GLRA1: variants seen among roughly 807,000 people sequenced by gnomAD.
GLRA1 encodes the protein glycine receptor subunit alpha-1.
GLRA1 carries 37 observed loss-of-function variants against 48.3 expected under a neutral mutation model. The observed-to-expected ratio is 0.77, with a 90% CI of 0.59 to 1.01. The LOEUF is 1.01. GLRA1 is among the 50% of genes least tolerant of loss of function. The probability of loss-of-function intolerance (pLI) is 0.00; values close to 1 mark genes in which losing one functional copy is unlikely to be tolerated. For missense variants in GLRA1, 427 were observed against 571.0 expected (o/e 0.75, Z 2.57); for synonymous variants, 196 against 210.7 (o/e 0.93, Z 0.60).
At chr5:151,900,993 C>T (rs1270722293) in intron 1 of GLRA1, among the ~76,000 whole-genome samples, 1 of 152,132 alleles carries the variant, frequency 6.6e-6, no homozygotes, top group Non-Finnish European at 1.5e-5. Context: ...TATTTGGCAT[C>T]AGTGATATGA....
At chr5:151,920,820 G>A (rs1754856848) in intron 1 of GLRA1, among the ~76,000 whole-genome samples, 1 of 152,132 alleles carries the variant, frequency 6.6e-6, no homozygotes, top group African/African-American at 2.4e-5. Flanking sequence ...ATTCAAGGTG[G>A]AGTACAGCTC....
intron 1 of GLRA1, among the ~76,000 whole-genome samples, chr5:151,915,601 G>T (rs1437359564): frequency 6.6e-6 from 1 of 151,912 alleles, no homozygotes; most frequent in East Asian, 1.9e-4. Context: ...GGCTTCCCAA[G>T]ACATGTTAAT....
chr5:151,883,933 G>A (rs1427193285), intron 3 of GLRA1, among the ~76,000 whole-genome samples: 2 of 152,144 alleles, frequency 1.3e-5, no homozygotes, highest in African/African-American at 2.4e-5. Flanking sequence ...GATGTGGGGT[G>A]GGAAATGGGG....
At chr5:151,903,244 G>A (rs1279045719) in intron 1 of GLRA1, among the ~76,000 whole-genome samples, 1 of 152,216 alleles carries the variant, frequency 6.6e-6, no homozygotes, top group African/African-American at 2.4e-5. Context: ...ACAATCCTCA[G>A]TAGGCACTGA....
rs759936512 is a variant in GLRA1, at chr5:151,822,778, G to A, written c.1245C>T (p.Ile415=). 1.4e-5 allele frequency: 23 copies of A among 1,613,852 alleles called. No homozygotes were observed. Among genetic ancestry groups the A allele is most frequent in the Middle Eastern group, 1.7e-4 (1 of 6,058 alleles). The change falls in exon 9 of 9, where the codon ATC becomes ATT. Residue 415 remains isoleucine (I), a synonymous_variant. Transcript: ENST00000274576. ...RKLFIQRAKK[I]DKISRIGFPM... ...GGAAGCCAATGCGGGATATTTTGTC[G>A]ATCTTCTTGGCCCTCTGGATGAAGA...
chr5:151,882,858 A>G (rs943110410), intron 3 of GLRA1, among the ~76,000 whole-genome samples: 2 of 152,134 alleles, frequency 1.3e-5, no homozygotes, highest in Non-Finnish European at 2.9e-5. Flanking sequence ...ATTTAACATC[A>G]TTGACAGGTT....
chr5:151,849,500 T>TCCTTCCTTCCTTC (rs1752839949), intron 7 of GLRA1, among the ~76,000 whole-genome samples: 1 of 43,170 alleles, frequency 2.3e-5, no homozygotes, highest in African/African-American at 1.3e-4. Context: ...TCCTTTCTTT[T>TCCTTCCTTCCTTC]CTTTCTTTCT....
intron 7 of GLRA1, among the ~76,000 whole-genome samples, chr5:151,838,512 T>G (rs987500253): frequency 4.0e-5 from 6 of 151,406 alleles, no homozygotes; most frequent in African/African-American, 1.5e-4. Context: ...AATTCTGGAG[T>G]TGAAAAGTAA....
rs1200858023 is a variant in GLRA1 at position 151,849,496 on chromosome 5, C to T, written c.912+1894G>A. On this transcript the variant is annotated intron_variant, in intron 7 of 8. Coordinates refer to ENST00000274576, the MANE Select transcript of GLRA1 (RefSeq NM_000171.4). ...CCTTCCTTCCTTCCTTCCTTCCTTT[C>T]TTTTCTTTCTTTCTTTCTTTCTTTT... Among the ~76,000 whole-genome samples the T allele has an allele frequency of 1.0e-4, 9 of 87,424 alleles. 1 individual carries two copies. In the East Asian group the frequency reaches 1.6e-3, roughly 16 times the overall value. 57.4% of individuals were successfully genotyped at this position (87,424 alleles called of 152,430 possible).
At chr5:151,907,907 C>T (rs556904940) in intron 1 of GLRA1, among the ~76,000 whole-genome samples, 6 of 152,202 alleles carry the variant, frequency 3.9e-5, no homozygotes, top group Non-Finnish European at 7.3e-5. Flanking sequence ...TGTAATGTTG[C>T]AGTTGTGGCT....
intron 1 of GLRA1, among the ~76,000 whole-genome samples, chr5:151,911,966 G>A (rs1331752503): frequency 6.6e-6 from 1 of 152,158 alleles, no homozygotes; most frequent in Non-Finnish European, 1.5e-5. Context: ...TAAGAATTAG[G>A]CAATGACAGC....
chr5:151,871,685 C>T lies in GLRA1; in HGVS notation c.253-11677G>A, dbSNP rs1030893688. Among the ~76,000 whole-genome samples the T allele has an allele frequency of 4.7e-5, 7 of 149,140 alleles. 1 individual carries two copies. Among genetic ancestry groups the T allele is most frequent in the African/African-American group, 1.6e-4 (6 of 38,604 alleles). ...ATGCCATTCTCCTGCCTCAGCCTCC[C>T]GAGTAGCTGGGACTACAGGCGCCCG... On this transcript the variant is annotated intron_variant, in intron 3 of 8. Transcript: ENST00000274576.
chr5:151,856,821 C>T lies in GLRA1; in HGVS notation c.477-438G>A, dbSNP rs112567884. On this transcript the variant is annotated intron_variant, in intron 4 of 8. Coordinates refer to ENST00000274576, the MANE Select transcript of GLRA1 (RefSeq NM_000171.4). ...ACAGGCATGAGCCACCATGCCCGGCCGTGACATGATTTTCATATATAGAAA... is the reference window on the plus strand; with the variant it reads ...ACAGGCATGAGCCACCATGCCCGGCTGTGACATGATTTTCATATATAGAAA... 1.1e-4 allele frequency among the ~76,000 whole-genome samples: 16 copies of T among 152,232 alleles called. 1 individual carries two copies. The highest frequency in any genetic ancestry group is 2.6e-4 in the African/African-American group (11 of 41,544).
At chr5:151,902,510 A>G (rs1754389078) in intron 1 of GLRA1, among the ~76,000 whole-genome samples, 1 of 152,082 alleles carries the variant, frequency 6.6e-6, no homozygotes, top group Non-Finnish European at 1.5e-5. Context: ...GGATCACAGT[A>G]ATTTTACAGA....
chr5:151,861,411 T>C (rs1429977227), intron 3 of GLRA1, among the ~76,000 whole-genome samples: 1 of 152,250 alleles, frequency 6.6e-6, no homozygotes, highest in African/African-American at 2.4e-5. Context: ...TTTTTATTGA[T>C]TGTCATTCTA....
At chr5:151,860,808 T>C (rs1261103151) in intron 3 of GLRA1, among the ~76,000 whole-genome samples, 3 of 152,342 alleles carry the variant, frequency 2.0e-5, no homozygotes, top group African/African-American at 7.2e-5. Context: ...ACATGTGCCA[T>C]GTTGGTGTGC....
At chr5:151,858,094 G>A (rs2113355513) in intron 4 of GLRA1, among the ~76,000 whole-genome samples, 1 of 152,290 alleles carries the variant, frequency 6.6e-6, no homozygotes, top group East Asian at 1.9e-4. Flanking sequence ...CTAATTGGTG[G>A]TGTTCTAGTG....
At chr5:151,856,509 G>T (rs1201562071) in intron 4 of GLRA1, 126 bp from the exon 5 acceptor site, 4 of 661,108 alleles carry the variant, frequency 6.1e-6, no homozygotes, top group Non-Finnish European at 8.5e-6. Context: ...ACTTGTGTTT[G>T]TTTTTTTGTT....
Position 151,892,425 on chromosome 5 carries a change from T to C in GLRA1, c.70A>G (p.Lys24Glu). 1 of 1,614,056 alleles carries C rather than the reference T, an allele frequency of 6.2e-7. No individual in the cohort carries two copies. Among genetic ancestry groups the C allele is most frequent in the South Asian group, 1.1e-5 (1 of 91,084 alleles). The change falls in exon 2 of 9, where the codon AAG (lysine) becomes GAG (glutamate). Residue 24 changes from lysine (K) to glutamate (E), a missense_variant. By Grantham distance (56) the Lys-to-Glu change is moderately conservative. Around this residue, in one of 4 missense-constraint regions of GLRA1, gnomAD observed 271 missense variants for 434.9 expected, o/e 0.62. Coordinates refer to ENST00000274576, the MANE Select transcript of GLRA1 (RefSeq NM_000171.4). ...GCGGAGCGAGCAGCTTCAGCCTCCT[T>C]AGAAGCAGCAAGGCTAAGGAGGAAG... ...TIVFFSLAASKEAEAARSAPK... is the reference protein window; with the variant it reads ...TIVFFSLAASEEAEAARSAPK...
Sources: allele counts gnomAD v4.1 joint callset (sites outside exome capture counted in the v4.1 genomes callset), GRCh38; gene constraint gnomAD v4.1.1; regional missense constraint gnomAD v4.1.1; transcripts MANE v1.5; gene names NCBI Gene and HGNC (gene_info 2026-07-23, HGNC 2026-07-21).